Variants in TGFB2 observed in about 807,000 individuals in gnomAD.
TGFB2 encodes the protein transforming growth factor beta 2.
Under a neutral mutation model 42.7 loss-of-function variants are expected in TGFB2, and 13 were observed. The ratio of observed to expected loss-of-function variants is 0.30; its 90% CI spans 0.20 to 0.48. TGFB2 has a LOEUF of 0.48. Among genes scored for constraint, TGFB2 ranks in the 20% least tolerant of loss-of-function variants. The pLI is 0.99. For missense variants in TGFB2, 390 were observed against 517.5 expected (o/e 0.75, Z 2.39); for synonymous variants, 193 against 193.6 (o/e 1.00, Z 0.03).
At chr1:218,427,938 A>G (rs1659679519) in intron 2 of TGFB2, among the ~76,000 whole-genome samples, 2 of 152,192 alleles carry the variant, frequency 1.3e-5, no homozygotes, top group Non-Finnish European at 2.9e-5. Flanking sequence ...GAACTAGTTT[A>G]CAGTCCCACC....
chr1:218,434,304 A>G (rs912315268), intron 3 of TGFB2, 34 bp from the exon 4 acceptor site: 1 of 1,612,546 alleles, frequency 6.2e-7, no homozygotes, highest in East Asian at 2.2e-5. Flanking sequence ...ATAGACACAC[A>G]TACAAATGAC....
At chr1:218,381,264 T>TG (rs1029572237) in intron 1 of TGFB2, among the ~76,000 whole-genome samples, 2 of 150,230 alleles carry the variant, frequency 1.3e-5, no homozygotes, top group East Asian at 2.0e-4. Flanking sequence ...TTTTGTTTTT[T>TG]TTTTTTTTTG....
rs1202024276 is a variant in TGFB2 at position 218,346,898 on chromosome 1, A to C, written c.197A>C (p.Glu66Ala). 1 of 1,614,168 alleles carries C rather than the reference A, an allele frequency of 6.2e-7. No homozygotes were observed. The highest frequency in any genetic ancestry group is 1.3e-5 in the African/African-American group (1 of 75,046). The part of the protein sequence containing the change: ...DYPEPEEVPP[E>A]VISIYNSTRD... ...CCTGAGCCCGAGGAAGTCCCCCCGGAGGTGATTTCCATCTACAACAGCACC... is the reference window on the plus strand; with the variant it reads ...CCTGAGCCCGAGGAAGTCCCCCCGGCGGTGATTTCCATCTACAACAGCACC... The change falls in exon 1 of 7, where the codon GAG becomes GCG. Residue 66 changes from glutamate (E) to alanine (A), a missense_variant. By Grantham distance (107) the Glu-to-Ala change is moderately radical. Transcript: ENST00000366930. The surrounding 1 kb of genome is among the most constrained non-coding windows in gnomAD (Gnocchi z 4.9).
chr1:218,412,238 C>G (rs922513206), intron 2 of TGFB2, among the ~76,000 whole-genome samples: 2 of 152,176 alleles, frequency 1.3e-5, no homozygotes, highest in Non-Finnish European at 2.9e-5. Flanking sequence ...AGAGCAAAAG[C>G]TGGAGAATTC....
chr1:218,357,828 T>G (rs891189576), intron 1 of TGFB2, among the ~76,000 whole-genome samples: 1 of 152,182 alleles, frequency 6.6e-6, no homozygotes, highest in Non-Finnish European at 1.5e-5. Context: ...ACAGGTTATT[T>G]CTGAAGAAGA....
At chr1:218,405,467 C>G in intron 2 of TGFB2, 135 bp downstream of exon 2, 1 of 1,464,174 alleles carries the variant, frequency 6.8e-7, no homozygotes, top group African/African-American at 1.4e-5. Context: ...TGGGTTCAAA[C>G]GATCCGCTTG....
intron 1 of TGFB2, among the ~76,000 whole-genome samples, chr1:218,348,250 T>G (rs745751157): frequency 5.3e-5 from 8 of 152,124 alleles, no homozygotes; most frequent in Non-Finnish European, 1.0e-4. Context: ...ATTTCTCTCC[T>G]CCCCTTTCCA....
chr1:218,384,123 GA>G (rs5781032), intron 1 of TGFB2, among the ~76,000 whole-genome samples: 91,176 of 148,574 alleles, frequency 0.61, 27,628 homozygotes, highest in Middle Eastern at 0.68. Flanking sequence ...TCATTAAAAA[GA>G]AAAAAAAAAA....
At chr1:218,357,335 C>T (rs748029368) in intron 1 of TGFB2, among the ~76,000 whole-genome samples, 10 of 152,048 alleles carry the variant, frequency 6.6e-5, no homozygotes, top group Non-Finnish European at 1.3e-4. Context: ...GAGGGGAAGC[C>T]ACACTAAGGC....
chr1:218,392,435 G>A (rs1264874763), intron 1 of TGFB2, among the ~76,000 whole-genome samples: 1 of 152,158 alleles, frequency 6.6e-6, no homozygotes, highest in African/African-American at 2.4e-5. Flanking sequence ...CATCTTATGT[G>A]GCTGAACTAG....
At chr1:218,402,608 T>G (rs1243897115) in intron 1 of TGFB2, among the ~76,000 whole-genome samples, 1 of 152,178 alleles carries the variant, frequency 6.6e-6, no homozygotes, top group Non-Finnish European at 1.5e-5. Context: ...GAGCACTTAT[T>G]TACAAACTTG....
intron 1 of TGFB2, among the ~76,000 whole-genome samples, chr1:218,366,432 G>A (rs1442422063): frequency 6.6e-6 from 1 of 151,886 alleles, no homozygotes; most frequent in Non-Finnish European, 1.5e-5. Context: ...CCAGCCTCCT[G>A]AGTAGCTAGG....
chr1:218,437,769 C>T (rs1333456459), intron 6 of TGFB2, among the ~76,000 whole-genome samples: 2 of 152,148 alleles, frequency 1.3e-5, no homozygotes, highest in South Asian at 2.1e-4. Flanking sequence ...AACCATAAGT[C>T]TCACCTGCCC....
chr1:218,374,753 C>T (rs561851313), intron 1 of TGFB2, among the ~76,000 whole-genome samples: 2 of 152,314 alleles, frequency 1.3e-5, no homozygotes, highest in African/African-American at 4.8e-5. Flanking sequence ...AGAAGCCCAA[C>T]TTGGATTCAT....
intron 1 of TGFB2, among the ~76,000 whole-genome samples, chr1:218,367,777 G>A (rs540276851): frequency 2.7e-4 from 41 of 152,306 alleles, no homozygotes; most frequent in African/African-American, 9.4e-4. Flanking sequence ...AGAGAAAGGT[G>A]AAGAGAGGAC....
intron 2 of TGFB2, 45 bp from the exon 3 acceptor site, chr1:218,434,037 C>A: frequency 6.2e-7 from 1 of 1,607,906 alleles, no homozygotes; most frequent in South Asian, 1.1e-5. Flanking sequence ...GTCATGCTGT[C>A]AGAATGCCAA....
chr1:218,368,096 C>T (rs962475400), intron 1 of TGFB2, among the ~76,000 whole-genome samples: 2 of 151,982 alleles, frequency 1.3e-5, no homozygotes, highest in Admixed American at 6.6e-5. Context: ...CCACCGTGCC[C>T]GGCTGAAGAG....
intron 1 of TGFB2, among the ~76,000 whole-genome samples, chr1:218,357,486 C>G (rs1432111230): frequency 6.6e-6 from 1 of 152,196 alleles, no homozygotes; most frequent in East Asian, 1.9e-4. Context: ...GCTTTAGTGT[C>G]TGTTAGGAGG....
intron 1 of TGFB2, among the ~76,000 whole-genome samples, chr1:218,394,112 C>T (rs187564526): frequency 2.0e-5 from 3 of 152,082 alleles, no homozygotes; most frequent in East Asian, 1.9e-4. Context: ...GGTTTCACTG[C>T]GTTAGCCAGG....
Sources: allele counts gnomAD v4.1 joint callset (sites outside exome capture counted in the v4.1 genomes callset), GRCh38; gene constraint gnomAD v4.1.1; non-coding constraint Gnocchi (gnomAD v3.1); transcripts MANE v1.5; gene names NCBI Gene and HGNC (gene_info 2026-07-23, HGNC 2026-07-21).